Variants in RBSN observed in about 807,000 individuals in gnomAD.
RBSN encodes the protein rabenosyn-5.
In RBSN, 34 loss-of-function variants were observed where a neutral mutation model predicts 60.5. The observed-to-expected ratio is 0.56, with a 90% confidence interval of 0.43 to 0.75. The LOEUF is 0.75. RBSN is among the 30% of genes least tolerant of loss of function. The pLI is 0.00. For missense variants in RBSN, 845 were observed against 986.8 expected (o/e 0.86, Z 1.92); for synonymous variants, 322 against 366.9 (o/e 0.88, Z 1.40).
Position 15,075,569 on chromosome 3 carries a change from A to G in RBSN, c.1206+37T>C, listed in dbSNP as rs201660194. On this transcript the variant is annotated intron_variant, in intron 13 of 13. Coordinates refer to ENST00000253699, the MANE Select transcript of RBSN (RefSeq NM_022340.4). Reference sequence around the variant, plus strand: ...GGCAGCCTCTGTGCTTGAGAGCCACAGGAGGAAGCAGGCCCCATATCCCTG... The same window carrying G: ...GGCAGCCTCTGTGCTTGAGAGCCACGGGAGGAAGCAGGCCCCATATCCCTG... 2.6e-5 allele frequency: 41 copies of G among 1,570,720 alleles called. 1 individual carries two copies. In the African/African-American group the frequency reaches 5.3e-4, roughly 20 times the overall value.
At chr3:15,089,456 C>CAAAAAAAAAAAAAAAA (rs757156425) in intron 5 of RBSN, among the ~76,000 whole-genome samples, 8 of 31,424 alleles carry the variant, frequency 2.5e-4, no homozygotes, top group Non-Finnish European at 3.1e-4. Flanking sequence ...ACTCCATCTC[C>CAAAAAAAAAAAAAAAA]AAAAAAAAAA....
chr3:15,087,342 C>T (rs1454274811), intron 5 of RBSN, among the ~76,000 whole-genome samples: 1 of 152,128 alleles, frequency 6.6e-6, no homozygotes, highest in Admixed American at 6.5e-5. Context: ...TGGTGAAACC[C>T]TGTCTCTACT....
In RBSN at chr3:15,078,180, C is replaced by T; in HGVS notation, c.912-19G>A. On this transcript the variant is annotated intron_variant, in intron 10 of 13. Transcript: ENST00000253699. Reference sequence around the variant, plus strand: ...CCCAGCACTAAGGAGAAACCAGAGACACGTGACCTAAGTTTCATGGTGCAG... The same window carrying T: ...CCCAGCACTAAGGAGAAACCAGAGATACGTGACCTAAGTTTCATGGTGCAG... 1 of 1,610,110 alleles carries T rather than the reference C, an allele frequency of 6.2e-7. No homozygotes were observed. The highest frequency in any genetic ancestry group is 8.5e-7 in the Non-Finnish European group (1 of 1,176,370).
rs113539516 is a variant in RBSN, at chr3:15,070,254, T to C, written c.*3528A>G. 2 of 152,642 alleles carry C rather than the reference T, an allele frequency of 1.3e-5. No homozygotes were observed. Among genetic ancestry groups the C allele is most frequent in the African/African-American group, 4.8e-5 (2 of 41,446 alleles). The allele number at this position is 152,642 out of a possible 1,614,324, so 9.5% of individuals were successfully genotyped here. On this transcript the variant is annotated 3_prime_UTR_variant, in exon 14 of 14. Transcript: ENST00000253699. The stretch of plus-strand genomic sequence containing the variant: ...TGAGTCCCATCACCAACTATGCCAA[T>C]GTCCAACCTACCACACAGCTCACAA...
intron 4 of RBSN, among the ~76,000 whole-genome samples, chr3:15,092,533 CG>C (rs1340610325): frequency 6.6e-6 from 1 of 152,040 alleles, no homozygotes; most frequent in Admixed American, 6.6e-5. Flanking sequence ...CTCAGCCTCC[CG>C]AGTAGCTGAA....
chr3:15,093,535 G>A (rs1198743895), intron 4 of RBSN, among the ~76,000 whole-genome samples: 1 of 151,906 alleles, frequency 6.6e-6, no homozygotes, highest in Non-Finnish European at 1.5e-5. Context: ...GGGACTACGA[G>A]TGCGTGCCAC....
chr3:15,077,106 G>A lies in RBSN; in HGVS notation c.1057C>T (p.Arg353Trp), dbSNP rs779838393. 2.5e-5 allele frequency: 41 copies of A among 1,613,910 alleles called. No individual in the cohort carries two copies. The highest frequency in any genetic ancestry group is 6.7e-5 in the Admixed American group (4 of 59,982). The change falls in exon 12 of 14, where the codon CGG (arginine) becomes TGG (tryptophan). Residue 353 changes from arginine (R) to tryptophan (W), a missense_variant. Arg to Trp is a moderately radical substitution (Grantham distance 101). Transcript: ENST00000253699. The surrounding 1 kb of genome is among the most constrained non-coding windows in gnomAD (Gnocchi z 4.4). Reference protein sequence around the residue: ...QDPPPHPSNLRLQRMIRYSAT... With the variant: ...QDPPPHPSNLWLQRMIRYSAT... ...GAGTATCTGATCATTCTCTGCAGCC[G>A]CAAATTGCTTGGATGTGGTGGAGGG...
chr3:15,094,206 C>T (rs1252148660), intron 4 of RBSN, among the ~76,000 whole-genome samples: 1 of 152,202 alleles, frequency 6.6e-6, no homozygotes, highest in Non-Finnish European at 1.5e-5. Flanking sequence ...TTGTATAGGA[C>T]TTAGTTCAGC....
intron 5 of RBSN, among the ~76,000 whole-genome samples, chr3:15,089,123 A>C (rs2043426272): frequency 6.6e-6 from 1 of 152,210 alleles, no homozygotes; most frequent in Admixed American, 6.5e-5. Context: ...TACCCATTTC[A>C]TGGACAGAAA....
chr3:15,086,759 CA>C (rs1305256035), intron 5 of RBSN, among the ~76,000 whole-genome samples: 2 of 151,844 alleles, frequency 1.3e-5, no homozygotes, highest in Non-Finnish European at 2.9e-5. Context: ...TCAAAATGGC[CA>C]AAAAAATGTA....
In RBSN at chr3:15,075,486, T is replaced by G. The variant is rs1047028915; in HGVS notation, c.1206+120A>C. The G allele has an allele frequency of 1.6e-5, 13 of 820,698 alleles. No individual in the cohort carries two copies. In the African/African-American group the frequency reaches 2.0e-4, roughly 13 times the overall value. The allele number at this position is 820,698 out of a possible 1,614,324, so 50.8% of individuals were successfully genotyped here. A position where few individuals can be genotyped will look rare whatever the true frequency, so the allele number is the denominator to read the frequency against. ...AGGCTGAAACACAACAGAAGAAATA[T>G]GCACATTTGAGAGAGAGGTTCTGAT... On this transcript the variant is annotated intron_variant, in intron 13 of 13. Coordinates refer to ENST00000253699, the MANE Select transcript of RBSN (RefSeq NM_022340.4).
intron 6 of RBSN, 118 bp downstream of exon 6, chr3:15,085,743 T>C: frequency 2.4e-6 from 2 of 833,398 alleles, no homozygotes; most frequent in Non-Finnish European, 4.0e-6. Context: ...AGAGAAGGTG[T>C]TTCTCTGCCA....
chr3:15,073,925 G>T lies in RBSN; in HGVS notation c.2212C>A (p.Leu738Ile), dbSNP rs1476933565. ...ATGTTATCGATCTGCTGCAGGAGGA[G>T]CTCTTCCTCTATGGGCTCCTCAGCC... ...PEAEEPIEEE[L>I]LLQQIDNIKA... Residue 738 changes from leucine to isoleucine, a missense_variant, in exon 14 of 14, where the codon CTC becomes ATC. Transcript: ENST00000253699. 3 of 1,613,974 alleles carry T rather than the reference G, an allele frequency of 1.9e-6. No individual in the cohort carries two copies. Among genetic ancestry groups the T allele is most frequent in the Non-Finnish European group, 2.5e-6 (3 of 1,180,020 alleles).
chr3:15,086,168 C>A lies in RBSN; in HGVS notation c.290-207G>T, dbSNP rs191382630. The A allele has an allele frequency of 6.1e-6, 3 of 494,680 alleles. No homozygotes were observed. In the East Asian group the frequency reaches 9.9e-5, roughly 16 times the overall value. 30.6% of individuals were successfully genotyped at this position (494,680 alleles called of 1,614,324 possible). A position where few individuals can be genotyped will look rare whatever the true frequency, so the allele number is the denominator to read the frequency against. On this transcript the variant is annotated intron_variant, in intron 5 of 13. Coordinates refer to ENST00000253699, the MANE Select transcript of RBSN (RefSeq NM_022340.4). The stretch of plus-strand genomic sequence containing the variant: ...ATCCCAGCTCCTTGGGAGGCCAAGG[C>A]GGGAAGATGGCTTGAGCTCAGGAGC...
At chr3:15,083,974 C>A (rs1403863683) in intron 8 of RBSN, among the ~76,000 whole-genome samples, 1 of 152,172 alleles carries the variant, frequency 6.6e-6, no homozygotes, top group South Asian at 2.1e-4. Context: ...CTGATAGATG[C>A]TAGACTCCTT....
At position 15,080,796 on chromosome 3, in the gene RBSN, G is replaced by A. The variant is rs144508017; in HGVS notation, c.847C>T (p.Arg283Ter). Residue 283 changes from arginine (R) to a stop codon, truncating the protein, a stop_gained, in exon 10 of 14, where the codon CGA (arginine) becomes TGA (stop). Transcript: ENST00000253699. LOFTEE classifies it high-confidence loss of function. ...PDIVKLYEKL[R>*]LCMEKVDQKA... is the part of the protein sequence containing the mutation. ...TGGTCAACTTTCTCCATGCAAAGTC[G>A]TAATTTCTAAGAACAAAAACAAAGA... 11 of 1,613,848 alleles carry A rather than the reference G, an allele frequency of 6.8e-6. No homozygotes were observed. Among genetic ancestry groups the A allele is most frequent in the African/African-American group, 2.7e-5 (2 of 74,886 alleles).
chr3:15,076,453 A>G (rs1445228468), intron 12 of RBSN, among the ~76,000 whole-genome samples: 1 of 152,208 alleles, frequency 6.6e-6, no homozygotes, highest in East Asian at 1.9e-4. Context: ...AAAAGAAAAA[A>G]AAAACACTTT....
rs776593535 is a variant in RBSN, at chr3:15,082,448, T to C, written c.759A>G (p.Thr253=). 5.0e-6 allele frequency: 8 copies of C among 1,614,166 alleles called. No homozygotes were observed. Among genetic ancestry groups the C allele is most frequent in the Non-Finnish European group, 5.9e-6 (7 of 1,180,030 alleles). The change falls in exon 9 of 14, where the codon ACA becomes ACG. Residue 253 remains threonine, a synonymous_variant. Transcript: ENST00000253699. The surrounding 1 kb of genome is among the most constrained non-coding windows in gnomAD (Gnocchi z 4.2). ...TCTTGAGCAGCGTGTCCTTGCAGTG[T>C]GTACAGCAGCGGATCCGGTCATCGT... ...EKDDDRIRCC[T]HCKDTLLKRE...
At chr3:15,095,211 A>G (rs1246154731) in intron 4 of RBSN, among the ~76,000 whole-genome samples, 2 of 150,038 alleles carry the variant, frequency 1.3e-5, no homozygotes, top group African/African-American at 4.9e-5. Context: ...TTTTTGTGAG[A>G]CGGGGTTTCG....
Sources: allele counts gnomAD v4.1 joint callset (sites outside exome capture counted in the v4.1 genomes callset), GRCh38; gene constraint gnomAD v4.1.1; non-coding constraint Gnocchi (gnomAD v3.1); transcripts MANE v1.5; gene names NCBI Gene and HGNC (gene_info 2026-07-23, HGNC 2026-07-21).